Variants in PRTN3 observed in about 807,000 individuals in gnomAD.
PRTN3 encodes the protein proteinase 3, also known as myeloblastin.
PRTN3 carries 22 observed loss-of-function variants against 20.7 expected under a neutral mutation model. The ratio of observed to expected loss-of-function variants is 1.06; its 90% confidence interval spans 0.76 to 1.52. The LOEUF (loss-of-function observed/expected upper bound fraction) is 1.52, where lower values mean the gene tolerates loss of function less well. PRTN3 is among the 40% of genes most tolerant of loss of function. The pLI, the probability that PRTN3 is intolerant of heterozygous loss-of-function variation, is 0.00. For synonymous variants in PRTN3, 173 were observed against 152.9 expected, an observed-to-expected ratio of 1.13 and a Z score of -0.97; for missense variants, 378 against 359.6, an observed-to-expected ratio of 1.05 and a Z score of -0.41.
intron 1 of PRTN3, among the ~76,000 whole-genome samples, chr19:842,382 TCTCA>T (rs1379330781): frequency 1.4e-5 from 2 of 145,324 alleles, no homozygotes; most frequent in South Asian, 2.2e-4. Context: ...TGAGATGGGG[TCTCA>T]CTCAGGCATG....
Position 846,127 on chromosome 19 carries a change from C to T in PRTN3, c.370-20C>T, listed in dbSNP as rs1350759735. On this transcript the variant is annotated intron_variant, in intron 3 of 4. Transcript: ENST00000234347. Reference sequence around the variant, plus strand: ...GTGACCTGGAAGCAGCGTCTCACCGCCGCCTGCCTTCTGCCCCAGCTGAGC... The same window carrying T: ...GTGACCTGGAAGCAGCGTCTCACCGTCGCCTGCCTTCTGCCCCAGCTGAGC... The T allele has an allele frequency of 4.3e-6, 6 of 1,402,568 alleles. No homozygotes were observed. The highest frequency in any genetic ancestry group is 1.9e-4 in the Middle Eastern group (1 of 5,346). 86.9% of individuals were successfully genotyped at this position (1,402,568 alleles called of 1,614,324 possible).
chr19:843,129 T>G (rs1476345301), intron 1 of PRTN3, among the ~76,000 whole-genome samples: 1 of 152,058 alleles, frequency 6.6e-6, no homozygotes, highest in African/African-American at 2.4e-5. Context: ...TTGCCCAGGC[T>G]GGTCTTGAAC....
chr19:841,131 C>A, intron 1 of PRTN3, 62 bp downstream of exon 1: 1 of 1,567,726 alleles, frequency 6.4e-7, no homozygotes, highest in Non-Finnish European at 8.6e-7. Context: ...GGGGAAATAT[C>A]CACCACGAGG....
chr19:841,624 G>A (rs2035441478), intron 1 of PRTN3, among the ~76,000 whole-genome samples: 1 of 151,654 alleles, frequency 6.6e-6, no homozygotes, highest in Non-Finnish European at 1.5e-5. Context: ...GAATGAATGA[G>A]TGAGTGAGTG....
At position 842,413 on chromosome 19, in the gene PRTN3, A is replaced by ATTTTTTTTTTTTTTTTTTTTTTTT. The variant is rs34047197; in HGVS notation, c.62-1047_62-1024dup. Among the ~76,000 whole-genome samples the ATTTTTTTTTTTTTTTTTTTTTTTT allele has an allele frequency of 2.3e-4, 9 of 39,420 alleles. 2 individuals carry two copies. Among genetic ancestry groups the ATTTTTTTTTTTTTTTTTTTTTTTT allele is most frequent in the South Asian group, 1.2e-3 (1 of 848 alleles). The allele number at this position is 39,420 out of a possible 152,430, so 25.9% of individuals were successfully genotyped here. On this transcript the variant is annotated intron_variant, in intron 1 of 4. Coordinates refer to ENST00000234347, the MANE Select transcript of PRTN3 (RefSeq NM_002777.4). The stretch of plus-strand genomic sequence containing the variant: ...TCAGGCATGAGCCACTGCGCCCAGG[A>ATTTTTTTTTTTTTTTTTTTTTTTT]TTTTTTTTTTTTTTTTTTTTTTTTG...
chr19:841,513 C>T (rs1284160424), intron 1 of PRTN3, among the ~76,000 whole-genome samples: 1 of 143,058 alleles, frequency 7.0e-6, no homozygotes, highest in Non-Finnish European at 1.5e-5. Flanking sequence ...AATGAGTGAA[C>T]GAATGAATGA....
chr19:843,371 G>A (rs1016840450), intron 1 of PRTN3, 90 bp from the exon 2 acceptor site: 3 of 1,355,636 alleles, frequency 2.2e-6, no homozygotes, highest in Non-Finnish European at 1.9e-6. Flanking sequence ...ATCGGGAGAC[G>A]GAGGCTCGGA....
rs1353229334 is a variant in PRTN3 at position 841,060 on chromosome 19, C to A, written c.52C>A (p.Leu18Met). ...CCTGGCGTCCGTGCTGCTGGCCTTG[C>A]TGCTGAGCGGTGAGTGAGCCACGTG... ...PALASVLLAL[L>M]LSGAARAAEI... Residue 18 changes from leucine (L) to methionine (M), a missense_variant, in exon 1 of 5, where the codon CTG becomes ATG. By Grantham distance (15) the Leu-to-Met change is conservative. Coordinates refer to ENST00000234347, the MANE Select transcript of PRTN3 (RefSeq NM_002777.4). 6.2e-7 allele frequency: 1 copy of A among 1,606,124 alleles called. No individual in the cohort carries two copies. The highest frequency in any genetic ancestry group is 8.5e-7 in the Non-Finnish European group (1 of 1,179,844).
chr19:845,071 C>CT (rs1306698930), intron 3 of PRTN3, among the ~76,000 whole-genome samples: 2 of 151,542 alleles, frequency 1.3e-5, no homozygotes, highest in Non-Finnish European at 2.9e-5. Context: ...CCTCAGCCTC[C>CT]TGAGTAGCTG....
Position 846,368 on chromosome 19 carries a change from C to T in PRTN3, c.591C>T (p.Gly197=), listed in dbSNP as rs563122581. ...ICTFVPRRKA[G]ICFGDSGGPL... ...CTTTCGTCCCTCGCCGCAAGGCCGG[C>T]ATCTGCTTCGTAAGTAACCGTGCCC... Residue 197 remains glycine, a synonymous_variant, in exon 4 of 5, where the codon GGC becomes GGT. Transcript: ENST00000234347. The T allele has an allele frequency of 8.4e-6, 13 of 1,554,140 alleles. No homozygotes were observed. The highest frequency in any genetic ancestry group is 8.7e-6 in the Non-Finnish European group (10 of 1,149,830).
chr19:843,885 C>T lies in PRTN3; in HGVS notation c.228-8C>T, dbSNP rs777596342. 1.3e-6 allele frequency: 2 copies of T among 1,581,310 alleles called. No homozygotes were observed. Among genetic ancestry groups the T allele is most frequent in the Non-Finnish European group, 8.6e-7 (1 of 1,165,596 alleles). ...GGGCGCCGAGGAGTGACCACCCCACCCCCGCAGACCCCAGCGCCTGGTGAA... is the reference window on the plus strand; with the variant it reads ...GGGCGCCGAGGAGTGACCACCCCACTCCCGCAGACCCCAGCGCCTGGTGAA... On this transcript the variant is annotated splice_region_variant and splice_polypyrimidine_tract_variant and intron_variant, in intron 2 of 4. Transcript: ENST00000234347.
Position 846,207 on chromosome 19 carries a change from C to A in PRTN3, c.430C>A (p.Gln144Lys). The A allele has an allele frequency of 6.5e-7, 1 of 1,541,650 alleles. No individual in the cohort carries two copies. The highest frequency in any genetic ancestry group is 8.8e-7 in the Non-Finnish European group (1 of 1,142,218). Residue 144 changes from glutamine to lysine, a missense_variant, in exon 4 of 5, where the codon CAG becomes AAG. Coordinates refer to ENST00000234347, the MANE Select transcript of PRTN3 (RefSeq NM_002777.4). ...CACAGTCCAGCTGCCACAGCAGGAC[C>A]AGCCAGTGCCCCACGGCACCCAGTG... is the stretch of plus-strand genomic sequence containing the variant. Reference protein sequence around the residue: ...VATVQLPQQDQPVPHGTQCLA... With the variant: ...VATVQLPQQDKPVPHGTQCLA...
intron 4 of PRTN3, among the ~76,000 whole-genome samples, chr19:847,019 T>G (rs1428806784): frequency 6.6e-6 from 1 of 151,854 alleles, no homozygotes; most frequent in African/African-American, 2.4e-5. Context: ...TTAAAGAAAA[T>G]TCCAGGCCAG....
At chr19:843,790 G>T in intron 2 of PRTN3, 103 bp from the exon 3 acceptor site, 4 of 1,457,264 alleles carry the variant, frequency 2.7e-6, no homozygotes, top group Non-Finnish European at 1.8e-6. Context: ...GGGCAGGGTC[G>T]CCGAGGGAGG....
intron 1 of PRTN3, 61 bp downstream of exon 1, chr19:841,130 T>C (rs576801285): frequency 1.9e-6 from 3 of 1,571,632 alleles, no homozygotes; most frequent in East Asian, 2.3e-5. Flanking sequence ...TGGGGAAATA[T>C]CCACCACGAG....
intron 3 of PRTN3, 32 bp downstream of exon 3, chr19:844,066 G>C (rs758973347): frequency 4.4e-6 from 7 of 1,578,158 alleles, no homozygotes; most frequent in Non-Finnish European, 5.2e-6. Context: ...GGCTCGGAGG[G>C]GCACGGCCAG....
chr19:841,700 C>T (rs1486161594), intron 1 of PRTN3, among the ~76,000 whole-genome samples: 5 of 151,438 alleles, frequency 3.3e-5, no homozygotes, highest in Admixed American at 2.0e-4. Flanking sequence ...CCTCAGGTCC[C>T]TATCCTGAGG....
At position 846,387 on chromosome 19, in the gene PRTN3, C is replaced by T. The variant is rs769529628; in HGVS notation, c.600+10C>T. 2.1e-5 allele frequency: 33 copies of T among 1,548,438 alleles called. 1 individual carries two copies. Among genetic ancestry groups the T allele is most frequent in the South Asian group, 1.3e-4 (11 of 83,528 alleles). On this transcript the variant is annotated intron_variant, in intron 4 of 4. Transcript: ENST00000234347. ...GGCCGGCATCTGCTTCGTAAGTAAC[C>T]GTGCCCCCACCCCGGGCACCGGGCT...
At position 843,562 on chromosome 19, in the gene PRTN3, T is replaced by C. The variant is rs563990723; in HGVS notation, c.163T>C (p.Phe55Leu). The change falls in exon 2 of 5, where the codon TTC (phenylalanine) becomes CTC (leucine). Residue 55 changes from phenylalanine to leucine, a missense_variant. Coordinates refer to ENST00000234347, the MANE Select transcript of PRTN3 (RefSeq NM_002777.4). ...GATGCGGGGGAACCCGGGCAGCCACTTCTGCGGAGGCACCTTGATCCACCC... is the reference window on the plus strand; with the variant it reads ...GATGCGGGGGAACCCGGGCAGCCACCTCTGCGGAGGCACCTTGATCCACCC... Reference protein sequence around the residue: ...LQMRGNPGSHFCGGTLIHPSF... With the variant: ...LQMRGNPGSHLCGGTLIHPSF... 17 of 1,603,110 alleles carry C rather than the reference T, an allele frequency of 1.1e-5. 1 individual carries two copies. In the Admixed American group the frequency reaches 2.0e-4, roughly 19 times the overall value.
Sources: allele counts gnomAD v4.1 joint callset (sites outside exome capture counted in the v4.1 genomes callset), GRCh38; gene constraint gnomAD v4.1.1; transcripts MANE v1.5; gene names NCBI Gene and HGNC (gene_info 2026-07-23, HGNC 2026-07-21).